Variants in SMCO2 observed in about 807,000 individuals in gnomAD.
SMCO2 encodes single-pass membrane protein with coiled-coil domains 2.
In SMCO2, 25 loss-of-function variants were observed where a neutral mutation model predicts 29.5. That is an observed-to-expected ratio of 0.85 (90% CI 0.62 to 1.18). The LOEUF (loss-of-function observed/expected upper bound fraction) is 1.18. Ranked by LOEUF, SMCO2 falls within the 50% of genes most tolerant of loss-of-function variation. The pLI, the probability that SMCO2 is intolerant of heterozygous loss-of-function variation, is 0.00. For missense variants in SMCO2, 348 were observed against 344.5 expected (o/e 1.01, Z -0.08); for synonymous variants, 117 against 123.3 (o/e 0.95, Z 0.34).
chr12:27,426,849 A>T, the SMCO2 span, among the ~76,000 whole-genome samples: 1 of 152,332 alleles, frequency 6.6e-6, no homozygotes, highest in South Asian at 2.1e-4. Context: ...TATCTACAGC[A>T]CAAAGAGGTA....
chr12:27,442,177 A>G, the SMCO2 span, among the ~76,000 whole-genome samples: 18 of 152,172 alleles, frequency 1.2e-4, no homozygotes, highest in African/African-American at 4.3e-4. Flanking sequence ...AGCCAAATCC[A>G]AAATTAGTAA....
chr12:27,490,408 G>A (rs1949725625), intron 5 of SMCO2, among the ~76,000 whole-genome samples: 2 of 152,190 alleles, frequency 1.3e-5, no homozygotes, highest in Admixed American at 1.3e-4. Context: ...TTTAGGGGCT[G>A]ATGGAAATAT....
the SMCO2 span, among the ~76,000 whole-genome samples, chr12:27,456,542 C>A: frequency 6.6e-6 from 1 of 152,210 alleles, no homozygotes; most frequent in Admixed American, 6.5e-5. Flanking sequence ...CCTCAGTCTC[C>A]TGAGTAGCTG....
the SMCO2 span, among the ~76,000 whole-genome samples, chr12:27,454,001 G>C: frequency 2.2e-4 from 33 of 151,976 alleles, no homozygotes; most frequent in Admixed American, 5.2e-4. Context: ...TTGTGGGGGA[G>C]GGGGACAGGG....
chr12:27,488,616 T>C, intron 5 of SMCO2, 69 bp downstream of exon 6: 1 of 1,161,354 alleles, frequency 8.6e-7, no homozygotes, highest in Non-Finnish European at 1.2e-6. Flanking sequence ...ACTACCTTTC[T>C]ATTGTTAATA....
chr12:27,489,283 A>C (rs1949715276), intron 5 of SMCO2, among the ~76,000 whole-genome samples: 1 of 152,118 alleles, frequency 6.6e-6, no homozygotes, highest in Non-Finnish European at 1.5e-5. Flanking sequence ...TCCTGGTCTC[A>C]AGGAATCTGC....
At chr12:27,487,096 A>G (rs1422031720) in intron 4 of SMCO2, among the ~76,000 whole-genome samples, 1 of 152,182 alleles carries the variant, frequency 6.6e-6, no homozygotes, top group East Asian at 1.9e-4. Flanking sequence ...CCATTTATAC[A>G]TGCACTCATC....
At chr12:27,494,318 G>A (rs1037128846) in exon 6 of SMCO2, 2 of 1,520,678 alleles carry the variant, frequency 1.3e-6, no homozygotes, top group Non-Finnish European at 1.8e-6. Context: ...TTGTAATGAA[G>A]TTTATGAATT....
the SMCO2 span, among the ~76,000 whole-genome samples, chr12:27,447,992 C>T: frequency 6.6e-6 from 1 of 152,202 alleles, no homozygotes; most frequent in Non-Finnish European, 1.5e-5. Context: ...CCTGCAAGCT[C>T]CGCAGGGACA....
At chr12:27,448,915 CA>C in the SMCO2 span, among the ~76,000 whole-genome samples, 1 of 152,096 alleles carries the variant, frequency 6.6e-6, no homozygotes, top group African/African-American at 2.4e-5. Flanking sequence ...ATGGAATTGT[CA>C]AACCAGAATC....
the SMCO2 span, among the ~76,000 whole-genome samples, chr12:27,427,350 G>A: frequency 6.6e-6 from 1 of 152,154 alleles, no homozygotes; most frequent in African/African-American, 2.4e-5. Context: ...CCAGTAAGTT[G>A]TCATGTGATG....
intron 4 of SMCO2, among the ~76,000 whole-genome samples, chr12:27,477,634 C>CTTTTTTTTTTTTTTTTTTTTTT (rs3051833): frequency 6.4e-5 from 7 of 109,656 alleles, no homozygotes; most frequent in South Asian, 3.0e-4. Flanking sequence ...CTTTTTCATT[C>CTTTTTTTTTTTTTTTTTTTTTT]TTTTTTTTTT....
rs556868623 is a variant in SMCO2 at position 27,492,809 on chromosome 12, C to T, written c.451-1491C>T. 1.3e-4 allele frequency among the ~76,000 whole-genome samples: 20 copies of T among 152,192 alleles called. No homozygotes were observed. The East Asian group carries it at 1.4e-3, about 10-fold the overall frequency. Reference sequence around the variant, plus strand: ...AAGAGCTAAAAGCAGAACTACCAGTCGACCCAGCAATCCCATTATTGTGTA... The same window carrying T: ...AAGAGCTAAAAGCAGAACTACCAGTTGACCCAGCAATCCCATTATTGTGTA... On this transcript the variant is annotated intron_variant, in intron 5 of 7. Transcript: ENST00000298876.
the SMCO2 span, among the ~76,000 whole-genome samples, chr12:27,456,202 T>G: frequency 0.64 from 96,527 of 151,842 alleles, 30,871 homozygotes; most frequent in Middle Eastern, 0.73. Context: ...GCAACAAGAG[T>G]GAAACTCCAT....
chr12:27,444,699 A>G, the SMCO2 span, among the ~76,000 whole-genome samples: 1 of 152,242 alleles, frequency 6.6e-6, no homozygotes, highest in Non-Finnish European at 1.5e-5. Flanking sequence ...GAGGCCTACA[A>G]GGACGTGGAG....
chr12:27,467,301 TCCTAGAAAGCCAATGGGG>T (rs1241065358), intron 1 of SMCO2, among the ~76,000 whole-genome samples: 4 of 152,070 alleles, frequency 2.6e-5, no homozygotes. Flanking sequence ...TACCAAACAA[TCCTAGAAAGCCAATGGGG>T]TAAGCACACA....
chr12:27,484,301 C>T (rs1177642720), intron 4 of SMCO2, among the ~76,000 whole-genome samples: 1 of 152,114 alleles, frequency 6.6e-6, no homozygotes, highest in Non-Finnish European at 1.5e-5. Context: ...ATTGCTTGAA[C>T]CCAGGAGGCA....
At chr12:27,480,405 G>A (rs1357011863) in intron 4 of SMCO2, among the ~76,000 whole-genome samples, 1 of 152,172 alleles carries the variant, frequency 6.6e-6, no homozygotes, top group Non-Finnish European at 1.5e-5. Flanking sequence ...GTAGTGGCTA[G>A]TGGAGTGGAC....
intron 4 of SMCO2, among the ~76,000 whole-genome samples, chr12:27,480,730 T>A (rs1454596083): frequency 6.6e-6 from 1 of 152,030 alleles, no homozygotes; most frequent in African/African-American, 2.4e-5. Context: ...TTGCTCCTGC[T>A]CTCACCATGT....
Sources: gnomAD v4.1 joint callset for allele counts (sites outside exome capture counted in the v4.1 genomes callset) on GRCh38, gnomAD v4.1.1 for gene constraint, MANE v1.5 for transcripts, NCBI Gene and HGNC (gene_info 2026-07-23, HGNC 2026-07-21) for gene names.